ARR3: variants seen among roughly 807,000 people sequenced by gnomAD.
The protein encoded by ARR3 is arrestin-C.
ARR3 carries 14 observed loss-of-function variants against 35.4 expected under a neutral mutation model. That is an observed-to-expected ratio of 0.40 (90% CI 0.26 to 0.62). The LOEUF is 0.62. ARR3 is among the 20% of genes least tolerant of loss of function. The probability of loss-of-function intolerance (pLI) is 0.46; values close to 1 mark genes in which losing one functional copy is unlikely to be tolerated. For missense variants in ARR3, 259 were observed against 303.8 expected (o/e 0.85, Z 1.10); for synonymous variants, 97 against 119.1 (o/e 0.81, Z 1.21).
At chrX:70,280,641 G>A (rs1402773414) in intron 14 of ARR3, 59 bp downstream of exon 14, 3 of 1,191,717 alleles carry the variant, frequency 2.5e-6, no homozygotes, top group Non-Finnish European at 3.4e-6. Flanking sequence ...GGGATAAGGA[G>A]AGCAAAATAA....
At chrX:70,279,442 T>C (rs1446438814) in intron 12 of ARR3, among the ~76,000 whole-genome samples, 1 of 112,722 alleles carries the variant, frequency 8.9e-6, no homozygotes, top group African/African-American at 3.2e-5. Context: ...CCCAGAGCAA[T>C]GAAGAGATTT....
chrX:70,277,671 G>A (rs770473630), intron 9 of ARR3, 45 bp from the exon 10 acceptor site: 14 of 1,182,858 alleles, frequency 1.2e-5, no homozygotes, highest in Admixed American at 2.2e-5. Context: ...CTCCATCTGC[G>A]TATTCGTCCT....
Position 70,278,529 on chromosome X carries a change from T to A in ARR3, c.793T>A (p.Phe265Ile). 8.3e-7 allele frequency: 1 copy of A among 1,211,006 alleles called. No homozygotes were observed. Among genetic ancestry groups the A allele is most frequent in the South Asian group, 1.8e-5 (1 of 56,773 alleles). ...FTETVAANSS[F>I]SQSFAVTPIL... is the part of the protein sequence containing the mutation. ...GGAGACTGTAGCTGCTAATTCCAGC[T>A]TCTCCCAGAGCTTTGCAGTAACCCC... Residue 265 changes from phenylalanine (F) to isoleucine (I), a missense_variant, in exon 12 of 17, where the codon TTC (phenylalanine) becomes ATC (isoleucine). By Grantham distance (21) the Phe-to-Ile change is conservative (BLOSUM62 0). Coordinates refer to ENST00000307959, the MANE Select transcript of ARR3 (RefSeq NM_004312.3).
rs755187173 is a variant in ARR3 at position 70,276,742 on chromosome X, C to T, written c.473+6C>T. 1.7e-6 allele frequency: 2 copies of T among 1,204,368 alleles called. No individual in the cohort carries two copies. Among genetic ancestry groups the T allele is most frequent in the African/African-American group, 3.5e-5 (2 of 56,947 alleles). On this transcript the variant is annotated splice_donor_region_variant and intron_variant, in intron 8 of 16. Coordinates refer to ENST00000307959, the MANE Select transcript of ARR3 (RefSeq NM_004312.3). ...GAGGAGACAGTCTCCAAGAGGTATT[C>T]TTTGGTTGTCCCCAAAAATCCCTGC...
chrX:70,272,670 T>G (rs1328370216), intron 5 of ARR3, among the ~76,000 whole-genome samples: 2 of 111,913 alleles, frequency 1.8e-5, no homozygotes, highest in Admixed American at 1.9e-4. Flanking sequence ...TATTGTCAAA[T>G]TGCCCTCTAA....
rs1569222287 is a variant in ARR3, at chrX:70,278,598, G to T, written c.862G>T (p.Gly288Cys). 8.3e-7 allele frequency: 1 copy of T among 1,211,778 alleles called. No individual in the cohort carries two copies. Among genetic ancestry groups the T allele is most frequent in the South Asian group, 1.8e-5 (1 of 56,923 alleles). ...SCQKRGLALD[G>C]KLKHEDTNLA... ...CCAGAAACGGGGCCTGGCACTGGAT[G>T]GCAAACTTAAGCATGAAGATACCAA... Residue 288 changes from glycine (G) to cysteine (C), a missense_variant, in exon 12 of 17, where the codon GGC becomes TGC. Transcript: ENST00000307959.
intron 5 of ARR3, among the ~76,000 whole-genome samples, chrX:70,270,748 CT>C (rs1269629043): frequency 9.1e-6 from 1 of 109,655 alleles, no homozygotes; most frequent in African/African-American, 3.3e-5. Flanking sequence ...TTTCCATCTC[CT>C]TTTTTTGTGT....
chrX:70,276,518 G>A, intron 7 of ARR3, 26 bp downstream of exon 7: 1 of 1,201,966 alleles, frequency 8.3e-7, no homozygotes, highest in Non-Finnish European at 1.1e-6. Context: ...TAAGAAAGAG[G>A]GATAGGTAGT....
At chrX:70,281,004 G>T (rs2085680018) in intron 15 of ARR3, 95 bp from the exon 16 acceptor site, 4 of 897,975 alleles carry the variant, frequency 4.5e-6, no homozygotes, top group African/African-American at 2.2e-5. Flanking sequence ...TGGGAAGTTG[G>T]GGGGGGGGGA....
At chrX:70,280,906 T>A in intron 15 of ARR3, 88 bp downstream of exon 15, 1 of 1,119,673 alleles carries the variant, frequency 8.9e-7, no homozygotes, top group Non-Finnish European at 1.2e-6. Context: ...AGACTAGCAG[T>A]TTGCCTGGGG....
At chrX:70,276,611 C>A (rs746699906) in intron 7 of ARR3, 58 bp from the exon 8 acceptor site, 10 of 1,179,851 alleles carry the variant, frequency 8.5e-6, no homozygotes, top group Non-Finnish European at 1.2e-5. Context: ...CTTATAGGCC[C>A]ATGAGGAAGG....
chrX:70,277,807 T>A lies in ARR3; in HGVS notation c.694+7T>A. 1 of 1,199,172 alleles carries A rather than the reference T, an allele frequency of 8.3e-7. No individual in the cohort carries two copies. Among genetic ancestry groups the A allele is most frequent in the South Asian group, 1.8e-5 (1 of 55,622 alleles). On this transcript the variant is annotated splice_region_variant and intron_variant, in intron 10 of 16. Transcript: ENST00000307959. ...AAAAAAATCAAGATTTCAGGTGAGT[T>A]TCTTTTCCCATCCCTGTGCACCTGG...
chrX:70,280,875 C>G, intron 15 of ARR3, 57 bp downstream of exon 15: 1 of 1,180,833 alleles, frequency 8.5e-7, no homozygotes, highest in South Asian at 1.8e-5. Context: ...GGGTCCAAAC[C>G]ATTCTGATCT....
At chrX:70,279,279 T>C (rs2147643261) in intron 12 of ARR3, among the ~76,000 whole-genome samples, 1 of 112,701 alleles carries the variant, frequency 8.9e-6, no homozygotes, top group East Asian at 2.8e-4. Context: ...GTTAGATGTG[T>C]CTTCCACCAA....
At chrX:70,272,026 C>T (rs1351356847) in intron 5 of ARR3, among the ~76,000 whole-genome samples, 1 of 109,594 alleles carries the variant, frequency 9.1e-6, no homozygotes, top group Non-Finnish European at 1.9e-5. Flanking sequence ...AAAGCGATTC[C>T]AAGAACAAGT....
rs753099233 is a variant in ARR3 at position 70,270,260 on chromosome X, T to C, written c.145+116T>C. The C allele has an allele frequency of 8.6e-6, 7 of 817,538 alleles. No individual in the cohort carries two copies. In the South Asian group the frequency reaches 1.8e-4, roughly 21 times the overall value. The allele number at this position is 817,538 out of a possible 1,213,427, so 67.4% of individuals were successfully genotyped here. Reference sequence around the variant, plus strand: ...CAGGAACTGCGAATGCCTTCTCTGGTGGAGGCTGACAACTGGGAATTCCAG... The same window carrying C: ...CAGGAACTGCGAATGCCTTCTCTGGCGGAGGCTGACAACTGGGAATTCCAG... On this transcript the variant is annotated intron_variant, in intron 5 of 16. Transcript: ENST00000307959.
Position 70,281,182 on chromosome X carries a change from T to A in ARR3, c.1076+74T>A. ...ACCCTCCATGTTATGACGATAGAAA[T>A]GTGAAAATGCTTCCTTGGGGTGCTT... On this transcript the variant is annotated intron_variant, in intron 16 of 16. Coordinates refer to ENST00000307959, the MANE Select transcript of ARR3 (RefSeq NM_004312.3). The A allele has an allele frequency of 6.1e-6, 7 of 1,152,368 alleles. No individual in the cohort carries two copies. In the South Asian group the frequency reaches 1.3e-4, roughly 22 times the overall value. The allele number at this position is 1,152,368 out of a possible 1,213,427, so 95.0% of individuals were successfully genotyped here. A position where few individuals can be genotyped will look rare whatever the true frequency, so the allele number is the denominator to read the frequency against.
chrX:70,280,264 G>A lies in ARR3; in HGVS notation c.975G>A (p.Met325Ile), dbSNP rs752067261. The A allele has an allele frequency of 1.7e-6, 2 of 1,209,987 alleles. No individual in the cohort carries two copies. The highest frequency in any genetic ancestry group is 5.9e-5 in the East Asian group (2 of 33,813). The change falls in exon 13 of 17, where the codon ATG becomes ATA. Residue 325 changes from methionine (M) to isoleucine (I), a missense_variant. Transcript: ENST00000307959. ...CCTACAAAGTCAGAGTCAACCTGAT[G>A]GTGTCCTGTGGTGGGTAAGTGAGGG... ...LVSYKVRVNL[M>I]VSCGGILGDL...
chrX:70,274,307 T>G (rs760229553), intron 5 of ARR3, among the ~76,000 whole-genome samples: 1 of 108,460 alleles, frequency 9.2e-6, no homozygotes, highest in South Asian at 4.2e-4. Flanking sequence ...GTTCAAGCGA[T>G]TCTCCTGCCT....
Sources: gnomAD v4.1 joint callset for allele counts (sites outside exome capture counted in the v4.1 genomes callset) on GRCh38, gnomAD v4.1.1 for gene constraint, MANE v1.5 for transcripts, NCBI Gene and HGNC (gene_info 2026-07-23, HGNC 2026-07-21) for gene names.